Variants in SHOX observed in about 807,000 individuals in gnomAD.
The protein encoded by SHOX is SHOX homeobox.
Under a neutral mutation model 29.6 loss-of-function variants are expected in SHOX, and 12 were observed. The observed-to-expected ratio is 0.41, with a 90% CI of 0.26 to 0.66. The LOEUF (loss-of-function observed/expected upper bound fraction) is 0.66, where lower values mean the gene tolerates loss of function less well. Among genes scored for constraint, SHOX ranks in the 30% least tolerant of loss-of-function variants. The pLI, the probability that SHOX is intolerant of heterozygous loss-of-function variation, is 0.35. For synonymous variants in SHOX, 214 were observed against 200.6 expected (o/e 1.07, Z -0.57); for missense variants, 499 against 437.7 (o/e 1.14, Z -1.25).
chrX:629,553 G>C (rs887365040), upstream of SHOX, among the ~76,000 whole-genome samples: 6 of 143,466 alleles, frequency 4.2e-5, no homozygotes, highest in Admixed American at 6.9e-5. Flanking sequence ...CCGTCTCTCC[G>C]TTTCTCTCTC....
Position 644,447 on chromosome X carries a change from G to A in SHOX, c.690G>A (p.Pro230=). ...GVAHAHPHLH[P]HLAAHAPYLM... ...CCCACGCGCACCCGCACCTGCACCC[G>A]CACCTGGCGGCGCACGCGCCCTACC... The change falls in exon 5 of 5, where the codon CCG becomes CCA. Residue 230 remains proline, a synonymous_variant. Coordinates refer to ENST00000686671, the MANE Select transcript of SHOX (RefSeq NM_000451.4). 4 of 1,521,982 alleles carry A rather than the reference G, an allele frequency of 2.6e-6. No individual in the cohort carries two copies. The highest frequency in any genetic ancestry group is 1.4e-5 in the African/African-American group (1 of 70,326). 94.3% of individuals were successfully genotyped at this position (1,521,982 alleles called of 1,614,324 possible).
chrX:651,728 C>A (rs759397724), downstream of SHOX, among the ~76,000 whole-genome samples: 42 of 151,474 alleles, frequency 2.8e-4, no homozygotes, highest in East Asian at 5.8e-3. Context: ...GGGTGGGTAC[C>A]CAGTGTTGCC....
intron 4 of SHOX, 31 bp from the exon 5 acceptor site, chrX:644,360 C>G: frequency 2.0e-6 from 3 of 1,512,354 alleles, no homozygotes; most frequent in Non-Finnish European, 1.8e-6. Flanking sequence ...CCCCATCCTG[C>G]GCCCTCACCC....
chrX:645,388 G>GTTTTTTTTTTT lies in SHOX; in HGVS notation c.*753_*754insTTTTTTTTTTT, dbSNP rs1398738646. The GTTTTTTTTTTT allele has an allele frequency of 1.3e-4, 10 of 77,744 alleles. No individual in the cohort carries two copies. Among genetic ancestry groups the GTTTTTTTTTTT allele is most frequent in the African/African-American group, 3.7e-4 (9 of 24,336 alleles). 4.8% of individuals were successfully genotyped at this position (77,744 alleles called of 1,614,324 possible). On this transcript the variant is annotated 3_prime_UTR_variant, in exon 5 of 5. Transcript: ENST00000686671. ...TTGGGTCTGGTTTTGTTTTGGATTG[G>GTTTTTTTTTTT]TATTTTTTTTTTTTTTTTTTTTTTT...
At chrX:635,250 G>C (rs771556095) in intron 2 of SHOX, among the ~76,000 whole-genome samples, 1 of 151,992 alleles carries the variant, frequency 6.6e-6, no homozygotes, top group Admixed American at 6.6e-5. Context: ...ATTATACTTA[G>C]GAGACGAAGC....
At chrX:634,479 T>C in intron 1 of SHOX, 139 bp from the exon 2 acceptor site, 2 of 879,848 alleles carry the variant, frequency 2.3e-6, no homozygotes. Flanking sequence ...GCTTTTGCCT[T>C]ATGGACCCCA....
chrX:640,929 G>C (rs769780038), intron 3 of SHOX, 51 bp downstream of exon 3: 2 of 1,613,446 alleles, frequency 1.2e-6, no homozygotes, highest in South Asian at 2.2e-5. Flanking sequence ...TGCTCCAGGA[G>C]GGATGGGGTC....
downstream of SHOX, among the ~76,000 whole-genome samples, chrX:652,853 A>G (rs760286554): frequency 1.4e-5 from 2 of 142,020 alleles, no homozygotes; most frequent in East Asian, 2.1e-4. Context: ...GGTGCTTTTC[A>G]TGGCTGACCT....
chrX:642,256 C>T (rs2052868236), intron 4 of SHOX, among the ~76,000 whole-genome samples: 2 of 152,040 alleles, frequency 1.3e-5, no homozygotes, highest in Non-Finnish European at 2.9e-5. Context: ...CCCCTTCGGT[C>T]CCTAATTTGG....
At chrX:644,067 A>G (rs1227116526) in intron 4 of SHOX, among the ~76,000 whole-genome samples, 1 of 151,930 alleles carries the variant, frequency 6.6e-6, no homozygotes, top group Non-Finnish European at 1.5e-5. Context: ...GAACGTTGTG[A>G]GCCAAAGTCC....
chrX:642,982 G>T (rs1236073595), intron 4 of SHOX, among the ~76,000 whole-genome samples: 3 of 150,002 alleles, frequency 2.0e-5, no homozygotes, highest in Admixed American at 6.6e-5. Context: ...TGGGGACCTG[G>T]TGTTCTGGGA....
chrX:636,133 C>A (rs1467879), intron 2 of SHOX, among the ~76,000 whole-genome samples: 136,979 of 149,242 alleles, frequency 0.92, 63,007 homozygotes, highest in East Asian at 0.98. Context: ...ATGTGTGTCT[C>A]TATATATAAA....
intron 5 of SHOX, among the ~76,000 whole-genome samples, chrX:658,557 T>A (rs547982574): frequency 4.3e-4 from 64 of 149,220 alleles, no homozygotes; most frequent in South Asian, 6.4e-4. Context: ...TGCAAGCTCC[T>A]CTTCCCGGGT....
chrX:648,260 G>A lies in SHOX; in HGVS notation c.*3624G>A, dbSNP rs1160517165. Reference sequence around the variant, plus strand: ...GTATTTTTAGTACAGACAGGGTTTCGGCCTCCTGAGTAGCTGGGATTACAG... The same window carrying A: ...GTATTTTTAGTACAGACAGGGTTTCAGCCTCCTGAGTAGCTGGGATTACAG... On this transcript the variant is annotated 3_prime_UTR_variant, in exon 5 of 5. Transcript: ENST00000686671. Among the ~76,000 whole-genome samples, 2 of 137,992 alleles carry A rather than the reference G, an allele frequency of 1.4e-5. No homozygotes were observed. The highest frequency in any genetic ancestry group is 4.4e-4 in the East Asian group (2 of 4,540). The allele number at this position is 137,992 out of a possible 152,430, so 90.5% of individuals were successfully genotyped here.
intron 2 of SHOX, among the ~76,000 whole-genome samples, chrX:636,149 A>AT (rs2052743184): frequency 6.7e-6 from 1 of 148,538 alleles, no homozygotes; most frequent in Non-Finnish European, 1.5e-5. Context: ...ATAAACATAT[A>AT]TAAATATATA....
In SHOX at chrX:645,213, A is replaced by C. The variant is rs1258489694; in HGVS notation, c.*577A>C. 6.6e-6 allele frequency: 1 copy of C among 152,080 alleles called. No individual in the cohort carries two copies. The highest frequency in any genetic ancestry group is 1.5e-5 in the Non-Finnish European group (1 of 68,062). 9.4% of individuals were successfully genotyped at this position (152,080 alleles called of 1,614,324 possible). A position where few individuals can be genotyped will look rare whatever the true frequency, so the allele number is the denominator to read the frequency against. ...CGGAGCCTCCCAGGCAGCAATAAGG[A>C]AATAGTTCTCTGGCTGAGGCTGAGG... is the stretch of plus-strand genomic sequence containing the variant. On this transcript the variant is annotated 3_prime_UTR_variant, in exon 5 of 5. Coordinates refer to ENST00000686671, the MANE Select transcript of SHOX (RefSeq NM_000451.4).
upstream of SHOX, among the ~76,000 whole-genome samples, chrX:628,377 C>G (rs1489787997): frequency 6.6e-6 from 1 of 150,510 alleles, no homozygotes; most frequent in Non-Finnish European, 1.5e-5. Context: ...CTGTTTCTCT[C>G]TCTCCATCTG....
intron 1 of SHOX, among the ~76,000 whole-genome samples, chrX:625,480 C>T (rs1280046713): frequency 6.6e-6 from 1 of 151,996 alleles, no homozygotes; most frequent in Non-Finnish European, 1.5e-5. Context: ...CTCTCTCTGT[C>T]TGTCTCTCTG....
chrX:626,265 C>G (rs1169923676), upstream of SHOX, among the ~76,000 whole-genome samples: 3 of 150,096 alleles, frequency 2.0e-5, no homozygotes, highest in African/African-American at 7.4e-5. Flanking sequence ...CTCTCTGTCT[C>G]TTTTTCTCTG....
Sources: allele counts gnomAD v4.1 joint callset (sites outside exome capture counted in the v4.1 genomes callset), GRCh38; gene constraint gnomAD v4.1.1; transcripts MANE v1.5; gene names NCBI Gene and HGNC (gene_info 2026-07-23, HGNC 2026-07-21).